Variants in SUB1 observed in about 807,000 individuals in gnomAD.
The protein encoded by SUB1 is SUB1 regulator of transcription, also known as activated RNA polymerase II transcriptional coactivator p15.
SUB1 carries 1 observed loss-of-function variant against 16.9 expected under a neutral mutation model. The observed-to-expected ratio is 0.06, with a 90% CI of 0.02 to 0.28. The LOEUF is 0.28. Among genes scored for constraint, SUB1 ranks in the 10% least tolerant of loss-of-function variants. SUB1 has a pLI of 1.00. For synonymous variants in SUB1, 51 were observed against 46.9 expected (o/e 1.09, Z -0.36); for missense variants, 84 against 145.2 (o/e 0.58, Z 2.16).
chr5:32,588,595 C>T lies in SUB1; in HGVS notation c.72+11C>T, dbSNP rs768160724. On this transcript the variant is annotated intron_variant, in intron 2 of 4. Transcript: ENST00000265073. ...GAGGTTGACAAAAAGGTGACTACTG[C>T]TGCACCAAGTCATTTTGGTGATACT... is the stretch of plus-strand genomic sequence containing the variant. The T allele has an allele frequency of 6.2e-7, 1 of 1,610,816 alleles. No homozygotes were observed. Among genetic ancestry groups the T allele is most frequent in the Non-Finnish European group, 8.5e-7 (1 of 1,178,096 alleles).
At chr5:32,590,060 A>T (rs1313847477) in intron 2 of SUB1, among the ~76,000 whole-genome samples, 1 of 152,200 alleles carries the variant, frequency 6.6e-6, no homozygotes, top group African/African-American at 2.4e-5. Context: ...TGTTGATGTA[A>T]CACATGTGTA....
chr5:32,596,067 C>G (rs1342196428), intron 3 of SUB1: 2 of 152,034 alleles, frequency 1.3e-5, no homozygotes, highest in African/African-American at 2.4e-5. Context: ...TTCAGGGAAA[C>G]TTTAGTTTTC....
chr5:32,599,196 C>T (rs1266925254), intron 4 of SUB1, 127 bp downstream of exon 4: 1 of 665,350 alleles, frequency 1.5e-6, no homozygotes, highest in African/African-American at 1.9e-5. Flanking sequence ...GATTCTCTAT[C>T]TTCTGTAGTT....
Position 32,601,456 on chromosome 5 carries a change from T to A in SUB1, c.*372T>A, listed in dbSNP as rs530383584. The A allele has an allele frequency of 6.1e-6, 1 of 163,958 alleles. No individual in the cohort carries two copies. Among genetic ancestry groups the A allele is most frequent in the East Asian group, 1.8e-4 (1 of 5,528 alleles). The allele number at this position is 163,958 out of a possible 1,614,324, so 10.2% of individuals were successfully genotyped here. ...AAAAGGATTTGTATTGCATTGAGTT[T>A]ATAAACTTTTGGTTTGTGAACTTCA... On this transcript the variant is annotated 3_prime_UTR_variant, in exon 5 of 5. Transcript: ENST00000265073.
rs1739156704 is a variant in SUB1, at chr5:32,603,136, T to C, written c.*2052T>C. Reference sequence around the variant, plus strand: ...TAATGAAGCCTCCATATAAGGAGTGTTTCTCTGGCACAGTTGGTAAGTTGA... The same window carrying C: ...TAATGAAGCCTCCATATAAGGAGTGCTTCTCTGGCACAGTTGGTAAGTTGA... On this transcript the variant is annotated 3_prime_UTR_variant, in exon 5 of 5. Coordinates refer to ENST00000265073, the MANE Select transcript of SUB1 (RefSeq NM_006713.4). 6.6e-6 allele frequency: 1 copy of C among 152,166 alleles called. No individual in the cohort carries two copies. Among genetic ancestry groups the C allele is most frequent in the African/African-American group, 2.4e-5 (1 of 41,462 alleles). 9.4% of individuals were successfully genotyped at this position (152,166 alleles called of 1,614,324 possible). A position where few individuals can be genotyped will look rare whatever the true frequency, so the allele number is the denominator to read the frequency against.
At position 32,602,097 on chromosome 5, in the gene SUB1, C is replaced by G; in HGVS notation, c.*1013C>G. On this transcript the variant is annotated 3_prime_UTR_variant, in exon 5 of 5. Transcript: ENST00000265073. Reference sequence around the variant, plus strand: ...TGAGCACATGCTTGTGTATTTTGGCCTTTGCCCCAGTAGAACAGACCAATG... The same window carrying G: ...TGAGCACATGCTTGTGTATTTTGGCGTTTGCCCCAGTAGAACAGACCAATG... The G allele has an allele frequency of 2.8e-6, 1 of 362,624 alleles. No individual in the cohort carries two copies. Among genetic ancestry groups the G allele is most frequent in the Non-Finnish European group, 5.5e-6 (1 of 182,948 alleles). The allele number at this position is 362,624 out of a possible 1,614,324, so 22.5% of individuals were successfully genotyped here. A position where few individuals can be genotyped will look rare whatever the true frequency, so the allele number is the denominator to read the frequency against.
At position 32,592,158 on chromosome 5, in the gene SUB1, G is replaced by A. The variant is rs515113; in HGVS notation, c.195+473G>A. 5.3e-3 allele frequency among the ~76,000 whole-genome samples: 802 copies of A among 152,336 alleles called. 3 individuals carry two copies. Among genetic ancestry groups the A allele is most frequent in the African/African-American group, 0.018 (768 of 41,572 alleles). Reference sequence around the variant, plus strand: ...ACAAACTAGTAAAAGTATTTTGTACGATGCTGGATTATTGTTAAAGTCTCT... The same window carrying A: ...ACAAACTAGTAAAAGTATTTTGTACAATGCTGGATTATTGTTAAAGTCTCT... On this transcript the variant is annotated intron_variant, in intron 3 of 4. Transcript: ENST00000265073.
chr5:32,593,211 C>T (rs76941541), intron 3 of SUB1, among the ~76,000 whole-genome samples: 11,246 of 152,074 alleles, frequency 0.074, 1,154 homozygotes, highest in African/African-American at 0.23. Context: ...AACAGTATTG[C>T]CCAGGCTGGT....
chr5:32,585,649 C>G (rs991398304), intron 1 of SUB1, 24 bp downstream of exon 1: 1 of 152,320 alleles, frequency 6.6e-6, no homozygotes, highest in Non-Finnish European at 1.5e-5. Context: ...ACCCCCTACC[C>G]CTACTCCTCG....
chr5:32,598,336 A>G (rs937288523), intron 3 of SUB1: 2 of 152,292 alleles, frequency 1.3e-5, no homozygotes, highest in Non-Finnish European at 2.9e-5. Flanking sequence ...TGCAGTAATC[A>G]TGATGAAAAA....
In SUB1 at chr5:32,603,351, T is replaced by C. The variant is rs1739162790; in HGVS notation, c.*2267T>C. On this transcript the variant is annotated 3_prime_UTR_variant, in exon 5 of 5. Transcript: ENST00000265073. Reference sequence around the variant, plus strand: ...ATTTTTTTTTCCTGGGCAGAAAACTTGGCATTTTTAGGCGTAGATACCTTA... The same window carrying C: ...ATTTTTTTTTCCTGGGCAGAAAACTCGGCATTTTTAGGCGTAGATACCTTA... The C allele has an allele frequency of 6.6e-6, 1 of 152,164 alleles. No individual in the cohort carries two copies. The highest frequency in any genetic ancestry group is 2.4e-5 in the African/African-American group (1 of 41,458). The allele number at this position is 152,164 out of a possible 1,614,324, so 9.4% of individuals were successfully genotyped here. A position where few individuals can be genotyped will look rare whatever the true frequency, so the allele number is the denominator to read the frequency against.
At chr5:32,597,703 T>G (rs181797367) in intron 3 of SUB1, 1 of 152,342 alleles carries the variant, frequency 6.6e-6, no homozygotes, top group Admixed American at 6.5e-5. Context: ...CCAACCCCTG[T>G]GCAGTTGAAA....
rs1739168559 is a variant in SUB1 at position 32,603,607 on chromosome 5, A to G, written c.*2523A>G. The G allele has an allele frequency of 6.6e-6, 1 of 152,202 alleles. No homozygotes were observed. The highest frequency in any genetic ancestry group is 2.4e-5 in the African/African-American group (1 of 41,472). The allele number at this position is 152,202 out of a possible 1,614,324, so 9.4% of individuals were successfully genotyped here. A position where few individuals can be genotyped will look rare whatever the true frequency, so the allele number is the denominator to read the frequency against. On this transcript the variant is annotated 3_prime_UTR_variant, in exon 5 of 5. Coordinates refer to ENST00000265073, the MANE Select transcript of SUB1 (RefSeq NM_006713.4). ...TGCTTCATTAATGCCTAAGAACTTA[A>G]GAATACTCCTACCTCATTAGCTACT...
Position 32,588,498 on chromosome 5 carries a change from T to G in SUB1, c.-1-14T>G. 6.2e-7 allele frequency: 1 copy of G among 1,609,318 alleles called. No homozygotes were observed. Among genetic ancestry groups the G allele is most frequent in the Non-Finnish European group, 8.5e-7 (1 of 1,177,618 alleles). On this transcript the variant is annotated splice_polypyrimidine_tract_variant and intron_variant, in intron 1 of 4. Coordinates refer to ENST00000265073, the MANE Select transcript of SUB1 (RefSeq NM_006713.4). ...TACCTTATTAATTATTTTTGTAATGTATTTTTCTTTCAGGATGCCTAAATC... is the reference window on the plus strand; with the variant it reads ...TACCTTATTAATTATTTTTGTAATGGATTTTTCTTTCAGGATGCCTAAATC...
intron 1 of SUB1, among the ~76,000 whole-genome samples, chr5:32,587,968 G>A (rs1020801456): frequency 6.6e-6 from 1 of 151,892 alleles, no homozygotes; most frequent in African/African-American, 2.4e-5. Context: ...TTGGTGATAC[G>A]GCCAAAAAGT....
chr5:32,599,420 C>T (rs1363043467), intron 4 of SUB1, among the ~76,000 whole-genome samples: 1 of 152,318 alleles, frequency 6.6e-6, no homozygotes, highest in South Asian at 2.1e-4. Flanking sequence ...TACAATGCTT[C>T]CTTTTGATTC....
chr5:32,587,284 T>C (rs1486705987), intron 1 of SUB1, among the ~76,000 whole-genome samples: 1 of 152,226 alleles, frequency 6.6e-6, no homozygotes, highest in Non-Finnish European at 1.5e-5. Flanking sequence ...ATCAGCGTTT[T>C]ATGACCTGGT....
rs1561030454 is a variant in SUB1 at position 32,585,573 on chromosome 5, C to T, written c.-54C>T. The T allele has an allele frequency of 6.6e-6, 1 of 152,244 alleles. No individual in the cohort carries two copies. Among genetic ancestry groups the T allele is most frequent in the African/African-American group, 2.4e-5 (1 of 41,448 alleles). 9.4% of individuals were successfully genotyped at this position (152,244 alleles called of 1,614,324 possible). A position where few individuals can be genotyped will look rare whatever the true frequency, so the allele number is the denominator to read the frequency against. Reference sequence around the variant, plus strand: ...GCTGCCGTCACTTCCGGTTCTCTGTCAGTCGCGAGCGAACGACCAAGAGGG... The same window carrying T: ...GCTGCCGTCACTTCCGGTTCTCTGTTAGTCGCGAGCGAACGACCAAGAGGG... On this transcript the variant is annotated 5_prime_UTR_variant, in exon 1 of 5. Transcript: ENST00000265073.
Position 32,598,772 on chromosome 5 carries a change from A to G in SUB1, c.196-189A>G, listed in dbSNP as rs936786671. ...AAGTCTGCAAAAATTTTTCCAGTAT[A>G]TTTATTGAAAAAAATATGCATATAA... On this transcript the variant is annotated intron_variant, in intron 3 of 4. Transcript: ENST00000265073. The G allele has an allele frequency of 1.2e-5, 5 of 407,954 alleles. No individual in the cohort carries two copies. In the East Asian group the frequency reaches 1.6e-4, roughly 13 times the overall value. 25.3% of individuals were successfully genotyped at this position (407,954 alleles called of 1,614,324 possible).
Sources: gnomAD v4.1 joint callset for allele counts (sites outside exome capture counted in the v4.1 genomes callset) on GRCh38, gnomAD v4.1.1 for gene constraint, MANE v1.5 for transcripts, NCBI Gene and HGNC (gene_info 2026-07-23, HGNC 2026-07-21) for gene names.